EPHA5: variants seen among roughly 807,000 people sequenced by gnomAD.
EPHA5 encodes the protein ephrin type-A receptor 5.
EPHA5 carries 60 observed loss-of-function variants against 105.0 expected under a neutral mutation model. The observed-to-expected ratio is 0.57, with a 90% CI of 0.46 to 0.71. The LOEUF (loss-of-function observed/expected upper bound fraction) is 0.71, where lower values mean the gene tolerates loss of function less well. EPHA5 is among the 30% of genes least tolerant of loss of function. The pLI, the probability that EPHA5 is intolerant of heterozygous loss-of-function variation, is 0.00. For synonymous variants in EPHA5, 513 were observed against 449.1 expected (o/e 1.14, Z -1.80); for missense variants, 1,218 against 1,274.7 (o/e 0.96, Z 0.68).
chr4:65,486,722 T>C (rs1319194989), intron 5 of EPHA5, among the ~76,000 whole-genome samples: 2 of 152,222 alleles, frequency 1.3e-5, no homozygotes, highest in Non-Finnish European at 2.9e-5. Flanking sequence ...TTTGGGTACT[T>C]AAAAAGTGTT....
intron 5 of EPHA5, among the ~76,000 whole-genome samples, chr4:65,487,599 C>T (rs574155251): frequency 6.6e-6 from 1 of 152,242 alleles, no homozygotes; most frequent in South Asian, 2.1e-4. Flanking sequence ...TCATACAGAA[C>T]ACTTAAACTG....
chr4:65,537,335 G>A (rs894034617), intron 3 of EPHA5, among the ~76,000 whole-genome samples: 1 of 151,662 alleles, frequency 6.6e-6, no homozygotes, highest in African/African-American at 2.4e-5. Flanking sequence ...GAGATATTTT[G>A]TAAAAAATTA....
At chr4:65,576,100 AAAGAAAAGAAAAGAAAAAAG>A (rs1740990076) in intron 3 of EPHA5, among the ~76,000 whole-genome samples, 4 of 93,244 alleles carry the variant, frequency 4.3e-5, no homozygotes, top group Admixed American at 1.2e-4. Context: ...AAAGAAAAGA[AAAGAAAAGAAAAGAAAAAAG>A]AAAAGAAAAG....
At position 65,348,171 on chromosome 4, in the gene EPHA5, T is replaced by A; in HGVS notation, c.2478A>T (p.Pro826=). The change falls in exon 14 of 17, where the codon CCA becomes CCT. Residue 826 remains proline, a synonymous_variant. Coordinates refer to ENST00000613740, the MANE Select transcript of EPHA5 (RefSeq NM_001281766.3). The part of the protein sequence containing the change: ...GGKIPIRWTA[P]EAIAFRKFTS... ...TAAACTTTCGGAAAGCTATTGCTTC[T>A]GGGGCAGTCCATCTGATTGGAATTT... The A allele has an allele frequency of 1.2e-6, 2 of 1,613,520 alleles. No homozygotes were observed. The highest frequency in any genetic ancestry group is 1.7e-6 in the Non-Finnish European group (2 of 1,179,768).
At position 65,459,383 on chromosome 4, in the gene EPHA5, A is replaced by G. The variant is rs1412458572; in HGVS notation, c.1402+30994T>C. Among the ~76,000 whole-genome samples, 3 of 151,914 alleles carry G rather than the reference A, an allele frequency of 2.0e-5. No individual in the cohort carries two copies. The East Asian group carries it at 5.8e-4, about 29-fold the overall frequency. On this transcript the variant is annotated intron_variant, in intron 5 of 16. Coordinates refer to ENST00000613740, the MANE Select transcript of EPHA5 (RefSeq NM_001281766.3). ...AACTACTTTTCCATTATTTATCACA[A>G]TCTATTTCAGTTGAGATAAATAATG...
At chr4:65,411,310 T>TG (rs978088731) in intron 7 of EPHA5, among the ~76,000 whole-genome samples, 18 of 152,170 alleles carry the variant, frequency 1.2e-4, no homozygotes, top group African/African-American at 4.3e-4. Flanking sequence ...TACAAGATAA[T>TG]GTCAATGAAA....
intron 16 of EPHA5, among the ~76,000 whole-genome samples, 164 bp from the exon 17 acceptor site, chr4:65,324,383 C>T (rs1000229411): frequency 1.3e-5 from 2 of 151,368 alleles, no homozygotes; most frequent in Non-Finnish European, 3.0e-5. Context: ...AAAATTATAC[C>T]TCCAAAATCT....
At chr4:65,331,334 T>C in intron 16 of EPHA5, 1 of 1,035,868 alleles carries the variant, frequency 9.7e-7, no homozygotes, top group Non-Finnish European at 1.2e-6. Flanking sequence ...AATATTTAAC[T>C]CTAGTGATTT....
rs1553896844 is a variant in EPHA5, at chr4:65,348,816, T to TATATATA, written c.2446-614_2446-613insTATATAT. 2.6e-4 allele frequency among the ~76,000 whole-genome samples: 7 copies of TATATATA among 27,060 alleles called. 1 individual carries two copies. The highest frequency in any genetic ancestry group is 7.6e-4 in the African/African-American group (7 of 9,196). 17.8% of individuals were successfully genotyped at this position (27,060 alleles called of 152,430 possible). ...GTGTATATATATATATATATATATA[T>TATATATA]TTTTTTTTTTTTTTTTTGAGACAGG... On this transcript the variant is annotated intron_variant, in intron 13 of 16. Coordinates refer to ENST00000613740, the MANE Select transcript of EPHA5 (RefSeq NM_001281766.3).
At chr4:65,635,765 A>G (rs1259882923) in intron 2 of EPHA5, among the ~76,000 whole-genome samples, 2 of 152,204 alleles carry the variant, frequency 1.3e-5, no homozygotes, top group Non-Finnish European at 2.9e-5. Context: ...TATATAAATT[A>G]ATCAATACAA....
chr4:65,616,444 C>CAA (rs1745246620), intron 2 of EPHA5, among the ~76,000 whole-genome samples: 1 of 150,050 alleles, frequency 6.7e-6, no homozygotes, highest in Non-Finnish European at 1.5e-5. Flanking sequence ...CACACACACA[C>CAA]ACACACACAC....
intron 13 of EPHA5, among the ~76,000 whole-genome samples, chr4:65,348,736 TATATGTGTGTGC>T (rs1722498204): frequency 1.8e-5 from 2 of 109,630 alleles, no homozygotes; most frequent in African/African-American, 3.0e-5. Context: ...TGTGTGTATA[TATATGTGTGTGC>T]ATATATATAT....
chr4:65,505,978 C>A (rs1732975416), intron 3 of EPHA5, among the ~76,000 whole-genome samples: 1 of 152,054 alleles, frequency 6.6e-6, no homozygotes, highest in African/African-American at 2.4e-5. Context: ...TTAGGTATAT[C>A]TCCGAATGCT....
chr4:65,380,279 T>A (rs1017332452), intron 8 of EPHA5, among the ~76,000 whole-genome samples: 2 of 151,826 alleles, frequency 1.3e-5, no homozygotes, highest in African/African-American at 4.8e-5. Flanking sequence ...AAACTGTTGA[T>A]CTTTGTTTTA....
At chr4:65,457,376 T>C (rs1291998320) in intron 5 of EPHA5, among the ~76,000 whole-genome samples, 3 of 152,146 alleles carry the variant, frequency 2.0e-5, no homozygotes, top group African/African-American at 7.2e-5. Flanking sequence ...CATTGAATGA[T>C]TTGATTGATA....
At chr4:65,493,287 C>G (rs1202670322) in intron 4 of EPHA5, among the ~76,000 whole-genome samples, 4 of 152,060 alleles carry the variant, frequency 2.6e-5, no homozygotes, top group Non-Finnish European at 5.9e-5. Flanking sequence ...TGAGACTAAC[C>G]TTTAATTTAA....
At position 65,323,787 on chromosome 4, in the gene EPHA5, C is replaced by A. The variant is rs1719822531; in HGVS notation, c.*327G>T. The A allele has an allele frequency of 4.2e-6, 1 of 239,040 alleles. No individual in the cohort carries two copies. The highest frequency in any genetic ancestry group is 2.2e-5 in the African/African-American group (1 of 45,318). The allele number at this position is 239,040 out of a possible 1,614,324, so 14.8% of individuals were successfully genotyped here. On this transcript the variant is annotated 3_prime_UTR_variant, in exon 17 of 17. Coordinates refer to ENST00000613740, the MANE Select transcript of EPHA5 (RefSeq NM_001281766.3). ...TTGAAAGGGGTTGCCTTAATTCAGT[C>A]TATAAAAGTGCTATATAATTATATA...
At chr4:65,616,795 A>G (rs1180733577) in intron 2 of EPHA5, among the ~76,000 whole-genome samples, 1 of 152,042 alleles carries the variant, frequency 6.6e-6, no homozygotes, top group Non-Finnish European at 1.5e-5. Flanking sequence ...TACTTATTAA[A>G]GTAATATTGC....
chr4:65,336,230 C>G lies in EPHA5; in HGVS notation c.2596-105G>C, dbSNP rs1301350949. Reference sequence around the variant, plus strand: ...ACTTTTATCCTTTCTTATCCTTACTCTTGCAATAACAACTAGCATTACTGT... The same window carrying G: ...ACTTTTATCCTTTCTTATCCTTACTGTTGCAATAACAACTAGCATTACTGT... On this transcript the variant is annotated intron_variant, in intron 14 of 16. Transcript: ENST00000613740. 4 of 811,962 alleles carry G rather than the reference C, an allele frequency of 4.9e-6. No individual in the cohort carries two copies. The African/African-American group carries it at 5.3e-5, about 11-fold the overall frequency. 50.3% of individuals were successfully genotyped at this position (811,962 alleles called of 1,614,324 possible).
Sources: allele counts gnomAD v4.1 joint callset (sites outside exome capture counted in the v4.1 genomes callset), GRCh38; gene constraint gnomAD v4.1.1; transcripts MANE v1.5; gene names NCBI Gene and HGNC (gene_info 2026-07-23, HGNC 2026-07-21).